TRRAP: variants seen among roughly 807,000 people sequenced by gnomAD.
The protein encoded by TRRAP is transformation/transcription domain-associated protein.
A neutral mutation model predicts 438.8 loss-of-function variants in TRRAP; 41 were observed. The observed-to-expected ratio is 0.09, with a 90% confidence interval of 0.07 to 0.12. TRRAP has a LOEUF of 0.12. Among genes scored for constraint, TRRAP ranks in the 10% least tolerant of loss-of-function variants. TRRAP has a pLI of 1.00. For missense variants in TRRAP, 3,122 were observed against 5,055.1 expected (o/e 0.62, Z 11.60); for synonymous variants, 1,994 against 1,962.9 (o/e 1.02, Z -0.42).
In TRRAP at chr7:99,011,198, C is replaced by A; in HGVS notation, c.11085C>A (p.Phe3695Leu). 2 of 1,614,154 alleles carry A rather than the reference C, an allele frequency of 1.2e-6. No individual in the cohort carries two copies. The highest frequency in any genetic ancestry group is 1.7e-6 in the Non-Finnish European group (2 of 1,180,030). Residue 3695 changes from phenylalanine (F) to leucine (L), a missense_variant, in exon 71 of 73, where the codon TTC becomes TTA. Phe to Leu is a conservative substitution (Grantham distance 22). This residue lies in a region of TRRAP where 192 missense variants were observed against 355.6 expected (regional missense o/e 0.54). Transcript: ENST00000456197. This position sits in a 1 kb window ranked among gnomAD's most constrained non-coding sequence, Gnocchi z 7.1. ...CCATCCAGCTGGCTCTGATAGGCTT[C>A]GCGGAATTCGTCCTGCATTTAAATA... is the stretch of plus-strand genomic sequence containing the variant. ...MFTIQLALIG[F>L]AEFVLHLNRL...
At position 98,945,021 on chromosome 7, in the gene TRRAP, T is replaced by G. The variant is rs959920026; in HGVS notation, c.4474-726T>G. Among the ~76,000 whole-genome samples, 4 of 152,102 alleles carry G rather than the reference T, an allele frequency of 2.6e-5. No homozygotes were observed. The South Asian group carries it at 8.3e-4, about 31-fold the overall frequency. On this transcript the variant is annotated intron_variant, in intron 31 of 72. Coordinates refer to ENST00000456197, the MANE Select transcript of TRRAP (RefSeq NM_001375524.1). ...GGTTTCACTTTGTTGGCCAGGCTGG[T>G]CTTGAACTCCTGACCTCAGGTGATC... is the stretch of plus-strand genomic sequence containing the variant.
chr7:98,943,430 T>A (rs1458617666), intron 31 of TRRAP, among the ~76,000 whole-genome samples: 1 of 152,184 alleles, frequency 6.6e-6, no homozygotes, highest in Non-Finnish European at 1.5e-5. Context: ...ATGTGTTTAA[T>A]CATTATTGCC....
chr7:98,939,832 T>C (rs1303516951), intron 30 of TRRAP, among the ~76,000 whole-genome samples: 1 of 152,206 alleles, frequency 6.6e-6, no homozygotes, highest in East Asian at 1.9e-4. Flanking sequence ...CGTCTGTCAT[T>C]TTTTGCTGCC....
chr7:98,983,140 C>G (rs1220979423), intron 59 of TRRAP, 124 bp from the exon 60 acceptor site: 2 of 896,416 alleles, frequency 2.2e-6, no homozygotes, highest in Non-Finnish European at 1.7e-6. Context: ...AATGAGAGTG[C>G]TTCCTTTGGT....
chr7:98,959,525 C>T, intron 45 of TRRAP, 35 bp downstream of exon 45: 1 of 1,599,210 alleles, frequency 6.3e-7, no homozygotes, highest in South Asian at 1.1e-5. Context: ...AGGGCAGCGC[C>T]ACCGAGGCCA....
chr7:98,948,567 C>T lies in TRRAP; in HGVS notation c.4670C>T (p.Ala1557Val), dbSNP rs1791190170. The T allele has an allele frequency of 4.3e-6, 7 of 1,614,024 alleles. No homozygotes were observed. The highest frequency in any genetic ancestry group is 1.1e-5 in the South Asian group (1 of 91,078). ...MKTERAMLIE[A>V]GSPFREPLIK... Reference sequence around the variant, plus strand: ...GCAGCATTCCCACATGTTTTGCAGGCGGGGAGTCCATTCCGAGAGCCCCTG... The same window carrying T: ...GCAGCATTCCCACATGTTTTGCAGGTGGGGAGTCCATTCCGAGAGCCCCTG... The change falls in exon 35 of 73, where the codon GCG (alanine) becomes GTG (valine). Residue 1557 changes from alanine (A) to valine (V), a missense_variant and splice_region_variant. This residue lies in a region of TRRAP where 108 missense variants were observed against 256.9 expected (regional missense o/e 0.42). Coordinates refer to ENST00000456197, the MANE Select transcript of TRRAP (RefSeq NM_001375524.1). This position sits in a 1 kb window ranked among gnomAD's most constrained non-coding sequence, Gnocchi z 4.9.
At chr7:98,954,246 C>T (rs1330435176) in intron 40 of TRRAP, among the ~76,000 whole-genome samples, 1 of 152,148 alleles carries the variant, frequency 6.6e-6, no homozygotes, top group East Asian at 1.9e-4. Context: ...TTGGGCACCC[C>T]GGGTTTGAGT....
chr7:98,921,790 T>TCTC lies in TRRAP; in HGVS notation c.2662_2664dup (p.Ser888dup). ...ACCTTACGCAACCCTGCTGACAGCATCTCCCACGTGGCCTACCGTGTGCTC... is the reference window on the plus strand; with the variant it reads ...ACCTTACGCAACCCTGCTGACAGCATCTCCTCCCACGTGGCCTACCGTGTGCTC... On this transcript the variant is annotated inframe_insertion, in exon 21 of 73. Transcript: ENST00000456197. 1 of 1,614,158 alleles carries TCTC rather than the reference T, an allele frequency of 6.2e-7. No homozygotes were observed. Among genetic ancestry groups the TCTC allele is most frequent in the Non-Finnish European group, 8.5e-7 (1 of 1,180,034 alleles).
At chr7:98,999,649 C>G (rs1330506317) in intron 67 of TRRAP, 17 of 925,268 alleles carry the variant, frequency 1.8e-5, no homozygotes, top group Non-Finnish European at 1.7e-5. Flanking sequence ...CAATTTGCCA[C>G]TAAGTGTGAA....
intron 28 of TRRAP, among the ~76,000 whole-genome samples, chr7:98,936,495 T>C (rs1554414247): frequency 6.6e-6 from 1 of 152,226 alleles, no homozygotes; most frequent in Non-Finnish European, 1.5e-5. Context: ...TCACCTGACA[T>C]AGAAGGTTGA....
At chr7:98,921,606 C>T (rs1405684709) in intron 20 of TRRAP, 147 bp from the exon 21 acceptor site, 61 of 975,626 alleles carry the variant, frequency 6.3e-5, no homozygotes, top group East Asian at 4.9e-4. Flanking sequence ...GAACTCCTGA[C>T]GTCAGGTGAT....
intron 52 of TRRAP, 130 bp downstream of exon 52, chr7:98,970,421 C>T (rs1055474427): frequency 8.5e-5 from 100 of 1,181,028 alleles, no homozygotes; most frequent in Non-Finnish European, 1.1e-4. Flanking sequence ...GGTGAGGCCC[C>T]GCGCCCCACG....
chr7:99,010,138 G>A (rs1195682529), intron 70 of TRRAP, among the ~76,000 whole-genome samples: 2 of 151,970 alleles, frequency 1.3e-5, no homozygotes, highest in South Asian at 2.1e-4. Flanking sequence ...CACCCACCTC[G>A]GCCTCCCAAA....
At chr7:98,962,280 C>T in intron 46 of TRRAP, 22 bp from the exon 47 acceptor site, 2 of 1,614,026 alleles carry the variant, frequency 1.2e-6, no homozygotes, top group Non-Finnish European at 1.7e-6. Context: ...ACCACAGTGC[C>T]TGGGTCCCTG....
In TRRAP at chr7:98,991,258, C is replaced by G. The variant is rs997222669; in HGVS notation, c.9756+639C>G. The stretch of plus-strand genomic sequence containing the variant: ...AGCGTGGCTACAGTGAGGTTTGGGA[C>G]ACAGCGCCTTTGTGGTTGCTTTTGT... On this transcript the variant is annotated intron_variant, in intron 64 of 72. Coordinates refer to ENST00000456197, the MANE Select transcript of TRRAP (RefSeq NM_001375524.1). Among the ~76,000 whole-genome samples the G allele has an allele frequency of 1.3e-4, 20 of 152,220 alleles. 1 individual carries two copies. Among genetic ancestry groups the G allele is most frequent in the Non-Finnish European group, 4.4e-5 (3 of 68,044 alleles).
intron 51 of TRRAP, among the ~76,000 whole-genome samples, chr7:98,969,568 G>A (rs1381536084): frequency 6.6e-6 from 1 of 152,210 alleles, no homozygotes; most frequent in African/African-American, 2.4e-5. Context: ...GGGAATATTC[G>A]CCCAAGATGG....
chr7:98,920,524 T>G (rs1789735789), intron 20 of TRRAP, among the ~76,000 whole-genome samples: 5 of 152,148 alleles, frequency 3.3e-5, no homozygotes. Context: ...GTAGTAATTT[T>G]TAGGACCTCT....
At position 98,999,523 on chromosome 7, in the gene TRRAP, A is replaced by G. The variant is rs1018237160; in HGVS notation, c.10310-4667A>G. 5 of 727,604 alleles carry G rather than the reference A, an allele frequency of 6.9e-6. No individual in the cohort carries two copies. The Admixed American group carries it at 1.1e-4, about 15-fold the overall frequency. The allele number at this position is 727,604 out of a possible 1,614,324, so 45.1% of individuals were successfully genotyped here. A position where few individuals can be genotyped will look rare whatever the true frequency, so the allele number is the denominator to read the frequency against. On this transcript the variant is annotated intron_variant, in intron 67 of 72. Coordinates refer to ENST00000456197, the MANE Select transcript of TRRAP (RefSeq NM_001375524.1). ...AGAGGGAGAGACAATATTGGGGTGC[A>G]CCAGGGTCTCTTGCTTAAGAAACTG...
chr7:98,922,461 G>A (rs999431302), intron 21 of TRRAP, among the ~76,000 whole-genome samples: 6 of 152,142 alleles, frequency 3.9e-5, no homozygotes, highest in African/African-American at 7.2e-5. Flanking sequence ...TGTCCTGCCT[G>A]CTGCCTTTGC....
Sources: gnomAD v4.1 joint callset for allele counts (sites outside exome capture counted in the v4.1 genomes callset) on GRCh38, gnomAD v4.1.1 for gene constraint, gnomAD v4.1.1 regional missense constraint, Gnocchi (gnomAD v3.1) non-coding constraint, MANE v1.5 for transcripts, NCBI Gene and HGNC (gene_info 2026-07-23, HGNC 2026-07-21) for gene names.